HAAO: variants seen among roughly 807,000 people sequenced by gnomAD.
HAAO encodes 3-hydroxyanthranilate oxygenase.
Under a neutral mutation model 46.2 loss-of-function variants are expected in HAAO, and 49 were observed. The ratio of observed to expected loss-of-function variants is 1.06; its 90% confidence interval spans 0.84 to 1.34. HAAO has a LOEUF of 1.34. HAAO is among the 40% of genes most tolerant of loss of function. The pLI is 0.00. For missense variants in HAAO, 408 were observed against 364.5 expected (o/e 1.12, Z -0.97); for synonymous variants, 157 against 145.2 (o/e 1.08, Z -0.58).
At chr2:42,779,568 C>CCT (rs1412889359) in intron 4 of HAAO, among the ~76,000 whole-genome samples, 10 of 152,194 alleles carry the variant, frequency 6.6e-5, no homozygotes, top group Non-Finnish European at 1.5e-4. Flanking sequence ...GATCCCCCCA[C>CCT]CTCGGCCTTC....
At chr2:42,778,315 A>C (rs1445162945) in intron 4 of HAAO, among the ~76,000 whole-genome samples, 2 of 146,530 alleles carry the variant, frequency 1.4e-5, no homozygotes, top group African/African-American at 2.6e-5. Context: ...TGGGTCTAAA[A>C]AGGACACCAG....
intron 1 of HAAO, 54 bp downstream of exon 1, chr2:42,792,403 G>T: frequency 1.0e-6 from 1 of 983,716 alleles, no homozygotes; most frequent in Non-Finnish European, 1.5e-6. Flanking sequence ...GGGCGCAGAT[G>T]GAGGAGGGGG....
intron 4 of HAAO, among the ~76,000 whole-genome samples, chr2:42,776,633 C>CTTTTTTTTTTTT (rs1219622958): frequency 7.5e-6 from 1 of 134,122 alleles, no homozygotes; most frequent in Non-Finnish European, 1.6e-5. Flanking sequence ...GAGTTGTTTC[C>CTTTTTTTTTTTT]TTTTTTTTTT....
chr2:42,792,545 C>T lies in HAAO; in HGVS notation c.-9G>A, dbSNP rs759881267. The T allele has an allele frequency of 1.9e-5, 29 of 1,549,684 alleles. No individual in the cohort carries two copies. In the African/African-American group the frequency reaches 4.0e-4, roughly 21 times the overall value. On this transcript the variant is annotated 5_prime_UTR_variant, in exon 1 of 10. Transcript: ENST00000294973. ...CCCAGGCGGCGCTCCATGACTGTCC[C>T]GGGCGCCTCCTCGCAGCGCTGTCCT...
At chr2:42,784,340 A>G (rs1056994950) in intron 2 of HAAO, among the ~76,000 whole-genome samples, 8 of 152,108 alleles carry the variant, frequency 5.3e-5, no homozygotes, top group African/African-American at 1.9e-4. Context: ...CTAAGGTCAC[A>G]TAGCTGGTTA....
intron 8 of HAAO, 67 bp from the exon 9 acceptor site, chr2:42,767,744 G>C (rs1349780834): frequency 1.3e-6 from 2 of 1,543,274 alleles, no homozygotes; most frequent in African/African-American, 2.7e-5. Flanking sequence ...GAATGTCTGA[G>C]TCTGCCTGGG....
intron 7 of HAAO, among the ~76,000 whole-genome samples, chr2:42,769,184 C>G (rs1468500557): frequency 6.6e-6 from 1 of 152,188 alleles, no homozygotes; most frequent in Non-Finnish European, 1.5e-5. Flanking sequence ...CTTTAACAAA[C>G]TATACATTCT....
At position 42,767,421 on chromosome 2, in the gene HAAO, G is replaced by T. The variant is rs1173157112; in HGVS notation, c.*16C>A. On this transcript the variant is annotated 3_prime_UTR_variant, in exon 10 of 10. Transcript: ENST00000294973. ...GCTTGGCACACCTGTGGCTGCTTCA[G>T]GCCATGGCAAGAGGGTCACCCCAGG... The T allele has an allele frequency of 2.5e-6, 4 of 1,597,252 alleles. No homozygotes were observed. In the East Asian group the frequency reaches 8.9e-5, roughly 36 times the overall value.
intron 4 of HAAO, among the ~76,000 whole-genome samples, chr2:42,779,780 T>C (rs749139216): frequency 1.3e-5 from 2 of 152,318 alleles, no homozygotes; most frequent in Admixed American, 6.5e-5. Flanking sequence ...TTTGACAAAC[T>C]TTCCAAAATC....
intron 3 of HAAO, among the ~76,000 whole-genome samples, 175 bp downstream of exon 3, chr2:42,783,609 A>G (rs543472257): frequency 1.3e-5 from 2 of 152,204 alleles, no homozygotes; most frequent in African/African-American, 4.8e-5. Flanking sequence ...CGTGCTGAGG[A>G]TGGGGCAGCC....
At chr2:42,775,984 A>G (rs760945509) in intron 4 of HAAO, among the ~76,000 whole-genome samples, 2 of 150,450 alleles carry the variant, frequency 1.3e-5, no homozygotes, top group Non-Finnish European at 2.9e-5. Flanking sequence ...AATGTGGAAG[A>G]GTGTGGTTTA....
chr2:42,784,191 A>C (rs1471455290), intron 2 of HAAO, among the ~76,000 whole-genome samples: 1 of 152,090 alleles, frequency 6.6e-6, no homozygotes, highest in Non-Finnish European at 1.5e-5. Context: ...TAGGGAACCC[A>C]CCCATTTACT....
chr2:42,777,303 C>CAAAAAAAAAAAAAAAAAAAAAA (rs1215772853), intron 4 of HAAO, among the ~76,000 whole-genome samples: 19 of 40,146 alleles, frequency 4.7e-4, no homozygotes, highest in Non-Finnish European at 6.1e-4. Flanking sequence ...ACTCTTATCG[C>CAAAAAAAAAAAAAAAAAAAAAA]AAAAAAAAAA....
rs559859105 is a variant in HAAO, at chr2:42,788,525, C to G, written c.159+4G>C. ...CTAGATCCAGGGAGACCAGTCAAAC[C>G]TACCTCTTCACCCTCTTCGATGTGA... On this transcript the variant is annotated splice_donor_region_variant and intron_variant, in intron 2 of 9. Transcript: ENST00000294973. The G allele has an allele frequency of 6.3e-7, 1 of 1,589,858 alleles. No individual in the cohort carries two copies. Among genetic ancestry groups the G allele is most frequent in the Admixed American group, 1.7e-5 (1 of 60,006 alleles).
chr2:42,786,115 A>G (rs1200393111), intron 2 of HAAO, among the ~76,000 whole-genome samples: 1 of 149,258 alleles, frequency 6.7e-6, no homozygotes, highest in African/African-American at 2.5e-5. Flanking sequence ...GACAAAGGAA[A>G]AGTTGGGAGA....
At chr2:42,782,053 C>T (rs1361940931) in intron 4 of HAAO, among the ~76,000 whole-genome samples, 1 of 152,068 alleles carries the variant, frequency 6.6e-6, no homozygotes, top group African/African-American at 2.4e-5. Context: ...TAATGTTTTT[C>T]AATTTTTATT....
chr2:42,791,543 G>A (rs951112559), intron 1 of HAAO, among the ~76,000 whole-genome samples: 7 of 152,164 alleles, frequency 4.6e-5, no homozygotes, highest in Non-Finnish European at 7.3e-5. Context: ...GAACTGCTCC[G>A]TGGGTTGAGT....
chr2:42,767,762 G>T (rs1176065739), intron 8 of HAAO, 85 bp from the exon 9 acceptor site: 2 of 1,543,602 alleles, frequency 1.3e-6, no homozygotes, highest in East Asian at 2.2e-5. Context: ...GGGCCCCAAG[G>T]CCCCAAGAGT....
At chr2:42,791,031 C>T (rs1672762498) in intron 1 of HAAO, among the ~76,000 whole-genome samples, 1 of 152,134 alleles carries the variant, frequency 6.6e-6, no homozygotes. Context: ...TGAATAGTAA[C>T]CCCTCCTGTA....
Sources: allele counts gnomAD v4.1 joint callset (sites outside exome capture counted in the v4.1 genomes callset), GRCh38; gene constraint gnomAD v4.1.1; transcripts MANE v1.5; gene names NCBI Gene and HGNC (gene_info 2026-07-23, HGNC 2026-07-21).